PCID2: variants seen among roughly 807,000 people sequenced by gnomAD.
The protein encoded by PCID2 is PCI domain-containing protein 2.
In PCID2, 41 loss-of-function variants were observed where a neutral mutation model predicts 61.3. The ratio of observed to expected loss-of-function variants is 0.67; its 90% confidence interval spans 0.52 to 0.87. The LOEUF is 0.87. PCID2 is among the 40% of genes least tolerant of loss of function. The probability of loss-of-function intolerance (pLI) is 0.00; values close to 1 mark genes in which losing one functional copy is unlikely to be tolerated. For synonymous variants in PCID2, 187 were observed against 177.8 expected, an observed-to-expected ratio of 1.05 and a Z score of -0.41; for missense variants, 392 against 493.4, an observed-to-expected ratio of 0.79 and a Z score of 1.95.
downstream of PCID2, chr13:113,177,400 G>C (rs916802297): frequency 6.6e-6 from 1 of 151,752 alleles, no homozygotes; most frequent in Non-Finnish European, 1.5e-5. Flanking sequence ...GCCTCTGAAA[G>C]TGCTGGGATT....
chr13:113,200,746 TCGGACTG>T (rs951597902), intron 1 of PCID2: 1 of 344,682 alleles, frequency 2.9e-6, no homozygotes, highest in Non-Finnish European at 5.3e-6. Context: ...GTCGCCCAGG[TCGGACTG>T]CGGACTGCAG....
chr13:113,168,228 T>C, the PCID2 span, among the ~76,000 whole-genome samples: 1 of 152,258 alleles, frequency 6.6e-6, no homozygotes, highest in Non-Finnish European at 1.5e-5. Flanking sequence ...GATAAATATT[T>C]AATGGGATGT....
intron 4 of PCID2, among the ~76,000 whole-genome samples, chr13:113,196,523 G>A (rs2039029119): frequency 6.6e-6 from 1 of 152,156 alleles, no homozygotes; most frequent in Admixed American, 6.5e-5. Context: ...TCTGAGCCCA[G>A]ATGATCATGA....
chr13:113,179,156 G>C lies in PCID2; in HGVS notation c.987-67C>G. The C allele has an allele frequency of 6.9e-7, 1 of 1,446,576 alleles. No homozygotes were observed. Among genetic ancestry groups the C allele is most frequent in the South Asian group, 1.3e-5 (1 of 76,496 alleles). The allele number at this position is 1,446,576 out of a possible 1,614,324, so 89.6% of individuals were successfully genotyped here. A position where few individuals can be genotyped will look rare whatever the true frequency, so the allele number is the denominator to read the frequency against. On this transcript the variant is annotated intron_variant, in intron 12 of 13. Transcript: ENST00000337344. This position sits in a 1 kb window ranked among gnomAD's most constrained non-coding sequence, Gnocchi z 4.3. Reference sequence around the variant, plus strand: ...ATGCAATACTCCACAGCCAAGAAAAGGCACCTCTTAATAAGCCGGTGTTCT... The same window carrying C: ...ATGCAATACTCCACAGCCAAGAAAACGCACCTCTTAATAAGCCGGTGTTCT...
At chr13:113,188,656 A>G (rs1472403493) in intron 7 of PCID2, 1 of 152,194 alleles carries the variant, frequency 6.6e-6, no homozygotes, top group East Asian at 1.9e-4. Flanking sequence ...ATTTCCAGAA[A>G]AGCCATGAAT....
intron 4 of PCID2, 198 bp downstream of exon 4, chr13:113,196,980 T>C: frequency 7.3e-7 from 1 of 1,377,874 alleles, no homozygotes; most frequent in Non-Finnish European, 1.0e-6. Flanking sequence ...CCTTACTAAG[T>C]ACTGCACGAG....
At chr13:113,200,133 A>G (rs1308614338) in intron 2 of PCID2, among the ~76,000 whole-genome samples, 1 of 152,202 alleles carries the variant, frequency 6.6e-6, no homozygotes, top group Non-Finnish European at 1.5e-5. Context: ...GGGGACGCAC[A>G]GGCCTAGACA....
chr13:113,195,852 T>C (rs2038974802), intron 5 of PCID2, among the ~76,000 whole-genome samples: 1 of 152,214 alleles, frequency 6.6e-6, no homozygotes. Context: ...TTGGTCTACC[T>C]CTTTTATCTA....
rs373010760 is a variant in PCID2 at position 113,208,665 on chromosome 13, C to A, written c.-31G>T. The A allele has an allele frequency of 4.2e-5, 67 of 1,598,100 alleles. No individual in the cohort carries two copies. Among genetic ancestry groups the A allele is most frequent in the African/African-American group, 4.0e-4 (30 of 74,242 alleles). ...CGCCGCCGAACGGAGAGCGCCACCCCCTACGCCTCAAGCGGGCCAGCTGGC... is the reference window on the plus strand; with the variant it reads ...CGCCGCCGAACGGAGAGCGCCACCCACTACGCCTCAAGCGGGCCAGCTGGC... On this transcript the variant is annotated 5_prime_UTR_variant, in exon 1 of 14. Coordinates refer to ENST00000337344, the MANE Select transcript of PCID2 (RefSeq NM_001127202.4).
intron 6 of PCID2, among the ~76,000 whole-genome samples, chr13:113,192,455 G>T (rs1320257901): frequency 4.2e-5 from 1 of 24,092 alleles, no homozygotes; most frequent in Non-Finnish European, 4.3e-4. Context: ...GCTTCTTGCA[G>T]AACAGAAGAC....
downstream of PCID2, among the ~76,000 whole-genome samples, chr13:113,176,782 C>T (rs1318352207): frequency 5.3e-5 from 8 of 152,044 alleles, no homozygotes; most frequent in Non-Finnish European, 1.2e-4. Flanking sequence ...GGGAGAGAGT[C>T]ATCTCTATCT....
intron 2 of PCID2, 107 bp from the exon 3 acceptor site, chr13:113,198,371 C>A: frequency 1.4e-6 from 1 of 704,508 alleles, no homozygotes; most frequent in South Asian, 1.8e-5. Flanking sequence ...TTATGCTTTA[C>A]AGTTCACAGT....
rs2138637144 is a variant in PCID2, at chr13:113,178,295, G to A, written c.1111-8C>T. The A allele has an allele frequency of 1.9e-6, 3 of 1,607,060 alleles. No individual in the cohort carries two copies. Among genetic ancestry groups the A allele is most frequent in the Non-Finnish European group, 2.6e-6 (3 of 1,174,144 alleles). ...GTAGCCTTTGACGTGTCCCTGCGGG[G>A]CAGAAAGGGAGGAATGCGTTTACAT... On this transcript the variant is annotated splice_region_variant and splice_polypyrimidine_tract_variant and intron_variant, in intron 13 of 13. Transcript: ENST00000337344.
intron 8 of PCID2, among the ~76,000 whole-genome samples, chr13:113,184,821 G>A (rs937427321): frequency 1.3e-5 from 2 of 151,632 alleles, no homozygotes; most frequent in East Asian, 3.9e-4. Context: ...CTGCGAAGCC[G>A]TTCCAGGGGG....
chr13:113,188,466 T>A (rs1042214581), intron 7 of PCID2: 1 of 152,246 alleles, frequency 6.6e-6, no homozygotes, highest in Non-Finnish European at 1.5e-5. Flanking sequence ...ACCAGCAGGA[T>A]GCTAAGTGGA....
chr13:113,173,884 T>C (rs1004149523), downstream of PCID2, among the ~76,000 whole-genome samples: 1 of 152,154 alleles, frequency 6.6e-6, no homozygotes, highest in East Asian at 1.9e-4. Flanking sequence ...CAATCTTGCT[T>C]CTGGTACTTC....
At chr13:113,190,777 AT>A in intron 7 of PCID2, 94 bp downstream of exon 7, 1 of 586,592 alleles carries the variant, frequency 1.7e-6, no homozygotes, top group Admixed American at 3.3e-5. Flanking sequence ...GAAATGAAAT[AT>A]GTGTCAACAA....
At chr13:113,192,857 G>A (rs2038726529) in intron 6 of PCID2, among the ~76,000 whole-genome samples, 1 of 152,196 alleles carries the variant, frequency 6.6e-6, no homozygotes, top group South Asian at 2.1e-4. Context: ...AAGTGACGGT[G>A]TTTGGAAGAG....
downstream of PCID2, among the ~76,000 whole-genome samples, chr13:113,172,680 G>A (rs978679864): frequency 2.6e-5 from 4 of 152,234 alleles, no homozygotes; most frequent in Non-Finnish European, 5.9e-5. Flanking sequence ...AAGAGAGGCT[G>A]AGGAGGCACG....
Sources: gnomAD v4.1 joint callset for allele counts (sites outside exome capture counted in the v4.1 genomes callset) on GRCh38, gnomAD v4.1.1 for gene constraint, Gnocchi (gnomAD v3.1) non-coding constraint, MANE v1.5 for transcripts, NCBI Gene and HGNC (gene_info 2026-07-23, HGNC 2026-07-21) for gene names.